The following WWOX variants were observed in gnomAD, a reference collection of about 807,000 sequenced individuals.
The protein encoded by WWOX is WW domain-containing oxidoreductase.
Under a neutral mutation model 46.2 loss-of-function variants are expected in WWOX, and 69 were observed. The ratio of observed to expected loss-of-function variants is 1.49; its 90% CI spans 1.23 to 1.82. The LOEUF (loss-of-function observed/expected upper bound fraction) is 1.82, where lower values mean the gene tolerates loss of function less well. Ranked by LOEUF, WWOX falls within the 40% of genes most tolerant of loss-of-function variation. WWOX has a pLI of 0.00. For synonymous variants in WWOX, 359 were observed against 202.6 expected (o/e 1.77, Z -6.56); for missense variants, 919 against 542.6 (o/e 1.69, Z -6.89).
intron 6 of WWOX, among the ~76,000 whole-genome samples, chr16:78,398,376 C>T (rs145511308): frequency 1.8e-3 from 272 of 152,286 alleles, no homozygotes; most frequent in African/African-American, 6.1e-3. Context: ...TCCTCTCCCA[C>T]TTGTCCATCA....
chr16:79,088,799 G>T (rs2048900047), intron 8 of WWOX, among the ~76,000 whole-genome samples: 1 of 152,134 alleles, frequency 6.6e-6, no homozygotes, highest in African/African-American at 2.4e-5. Flanking sequence ...TATTCAAAGA[G>T]AATTCATCGT....
intron 8 of WWOX, among the ~76,000 whole-genome samples, chr16:78,666,127 A>AT (rs2047327483): frequency 6.6e-6 from 1 of 152,050 alleles, no homozygotes; most frequent in Non-Finnish European, 1.5e-5. Context: ...GTTTCTAAAA[A>AT]TTTAAAAAAA....
chr16:78,722,112 C>G (rs753437174), intron 8 of WWOX, among the ~76,000 whole-genome samples: 2 of 152,130 alleles, frequency 1.3e-5, no homozygotes, highest in African/African-American at 4.8e-5. Context: ...AGGTCATGAT[C>G]CTGACATTCC....
chr16:78,561,226 T>C (rs1031423307), intron 8 of WWOX, among the ~76,000 whole-genome samples: 1 of 152,114 alleles, frequency 6.6e-6, no homozygotes, highest in Non-Finnish European at 1.5e-5. Context: ...CAACAGAAAC[T>C]CTCTTGTGCA....
chr16:78,649,033 G>C (rs1033026078), intron 8 of WWOX, among the ~76,000 whole-genome samples: 1 of 152,118 alleles, frequency 6.6e-6, no homozygotes, highest in African/African-American at 2.4e-5. Context: ...GAGTGCAGCA[G>C]TGTGATCTTG....
intron 8 of WWOX, among the ~76,000 whole-genome samples, chr16:78,713,114 T>C (rs1280087161): frequency 6.6e-6 from 1 of 151,174 alleles, no homozygotes; most frequent in Non-Finnish European, 1.5e-5. Flanking sequence ...CTACACCGAA[T>C]TTAAAAACTT....
chr16:78,817,528 C>T (rs1305135228), intron 8 of WWOX, among the ~76,000 whole-genome samples: 2 of 152,126 alleles, frequency 1.3e-5, no homozygotes, highest in Admixed American at 1.3e-4. Flanking sequence ...CTGAACTTTG[C>T]TTCAAATTTG....
At chr16:78,506,351 G>C (rs773451390) in intron 8 of WWOX, 1 of 152,176 alleles carries the variant, frequency 6.6e-6, no homozygotes, top group Non-Finnish European at 1.5e-5. Flanking sequence ...TAAAAATGAA[G>C]AGCAGAGCTC....
At chr16:78,309,971 C>G (rs547389316) in intron 5 of WWOX, among the ~76,000 whole-genome samples, 1 of 152,082 alleles carries the variant, frequency 6.6e-6, no homozygotes, top group South Asian at 2.1e-4. Flanking sequence ...TTCGTAGAGC[C>G]AGGGTCTGGG....
At chr16:78,808,459 A>C (rs1322134074) in intron 8 of WWOX, among the ~76,000 whole-genome samples, 1 of 152,224 alleles carries the variant, frequency 6.6e-6, no homozygotes, top group Admixed American at 6.5e-5. Flanking sequence ...AGTGTTATTG[A>C]ATCCATACTA....
At chr16:78,249,639 A>C (rs897163552) in intron 5 of WWOX, among the ~76,000 whole-genome samples, 4 of 152,194 alleles carry the variant, frequency 2.6e-5, no homozygotes, top group Non-Finnish European at 4.4e-5. Flanking sequence ...CAACAGTGCA[A>C]GTGGGGAGAT....
chr16:78,532,073 T>C (rs939041951), intron 8 of WWOX, among the ~76,000 whole-genome samples: 5 of 151,578 alleles, frequency 3.3e-5, no homozygotes, highest in African/African-American at 4.8e-5. Context: ...GTTTTTTTTT[T>C]TTTTCTTTTT....
At chr16:78,191,410 A>G (rs1351932221) in intron 5 of WWOX, among the ~76,000 whole-genome samples, 1 of 152,214 alleles carries the variant, frequency 6.6e-6, no homozygotes, top group Admixed American at 6.5e-5. Flanking sequence ...CCAATAGAAA[A>G]TAGCATCGTA....
At chr16:78,312,873 A>G (rs1260586296) in intron 5 of WWOX, among the ~76,000 whole-genome samples, 1 of 152,184 alleles carries the variant, frequency 6.6e-6, no homozygotes, top group Non-Finnish European at 1.5e-5. Context: ...GGTAGCACGC[A>G]GGGCCTCACT....
At chr16:78,241,725 C>A (rs1036000774) in intron 5 of WWOX, among the ~76,000 whole-genome samples, 1 of 152,274 alleles carries the variant, frequency 6.6e-6, no homozygotes, top group African/African-American at 2.4e-5. Context: ...CAGGCGTGAA[C>A]CACCACGCCC....
chr16:78,778,648 G>C (rs962566280), intron 8 of WWOX, among the ~76,000 whole-genome samples: 1 of 152,154 alleles, frequency 6.6e-6, no homozygotes, highest in Non-Finnish European at 1.5e-5. Flanking sequence ...TGTTTTCTCA[G>C]TATGTGAAAT....
chr16:78,327,039 C>T (rs552081058), intron 5 of WWOX, among the ~76,000 whole-genome samples: 3 of 152,148 alleles, frequency 2.0e-5, no homozygotes, highest in Non-Finnish European at 4.4e-5. Flanking sequence ...TTCCTCGATC[C>T]TCAGCACTGC....
At chr16:78,232,806 G>A (rs916680790) in intron 5 of WWOX, among the ~76,000 whole-genome samples, 2 of 151,738 alleles carry the variant, frequency 1.3e-5, no homozygotes, top group Admixed American at 6.6e-5. Flanking sequence ...AAATTAAAAA[G>A]GAATGAATAT....
At chr16:78,524,817 T>TA (rs1555554414) in intron 8 of WWOX, among the ~76,000 whole-genome samples, 3 of 88,720 alleles carry the variant, frequency 3.4e-5, no homozygotes, top group Non-Finnish European at 7.0e-5. Flanking sequence ...TGATTTTTTA[T>TA]GGGTTTTTTT....
Sources: gnomAD v4.1 joint callset for allele counts (sites outside exome capture counted in the v4.1 genomes callset) on GRCh38, gnomAD v4.1.1 for gene constraint, MANE v1.5 for transcripts, NCBI Gene and HGNC (gene_info 2026-07-23, HGNC 2026-07-21) for gene names.